The following KIF6 variants were observed in gnomAD, a reference collection of about 807,000 sequenced individuals.
KIF6 encodes kinesin-like protein KIF6.
A neutral mutation model predicts 112.7 loss-of-function variants in KIF6; 106 were observed. That is an observed-to-expected ratio of 0.94 (90% CI 0.80 to 1.11). The LOEUF is 1.11. KIF6 is among the 50% of genes least tolerant of loss of function. KIF6 has a pLI of 0.00. For synonymous variants in KIF6, 339 were observed against 339.9 expected (o/e 1.00, Z 0.03); for missense variants, 929 against 964.0 (o/e 0.96, Z 0.48).
At chr6:39,584,852 G>T in intron 9 of KIF6, 46 bp downstream of exon 9, 2 of 1,195,762 alleles carry the variant, frequency 1.7e-6, no homozygotes, top group Non-Finnish European at 1.2e-6. Flanking sequence ...GCTAATCTTT[G>T]ATATACTTTA....
chr6:39,470,554 G>C (rs746429956), intron 13 of KIF6, among the ~76,000 whole-genome samples: 13 of 152,132 alleles, frequency 8.5e-5, no homozygotes, highest in Non-Finnish European at 1.3e-4. Context: ...GGATGATTGC[G>C]GGGGAGGTCC....
intron 15 of KIF6, among the ~76,000 whole-genome samples, chr6:39,406,294 C>T (rs571009777): frequency 6.6e-6 from 1 of 152,292 alleles, no homozygotes; most frequent in South Asian, 2.1e-4. Flanking sequence ...AGGCCTGAGC[C>T]AGCTTGCTAG....
At chr6:39,384,453 C>A (rs917227293) in intron 16 of KIF6, among the ~76,000 whole-genome samples, 2 of 152,214 alleles carry the variant, frequency 1.3e-5, no homozygotes, top group Non-Finnish European at 2.9e-5. Flanking sequence ...AAGTCTCTGG[C>A]GCTGGGAGGG....
intron 5 of KIF6, among the ~76,000 whole-genome samples, chr6:39,624,031 C>T (rs777570799): frequency 2.6e-5 from 4 of 152,112 alleles, no homozygotes; most frequent in Admixed American, 1.3e-4. Flanking sequence ...GGAGCAGAGA[C>T]GGGGGTGTTA....
intron 3 of KIF6, among the ~76,000 whole-genome samples, chr6:39,710,499 A>G (rs762462887): frequency 1.3e-5 from 2 of 151,146 alleles, no homozygotes; most frequent in Non-Finnish European, 2.9e-5. Flanking sequence ...GTTTCAAAAG[A>G]TCATTATCTT....
intron 10 of KIF6, among the ~76,000 whole-genome samples, chr6:39,548,742 C>CAGA (rs1779198548): frequency 1.3e-5 from 2 of 152,206 alleles, no homozygotes; most frequent in African/African-American, 2.4e-5. Flanking sequence ...TCCCTGCTCC[C>CAGA]TCTAAGGGGT....
intron 16 of KIF6, among the ~76,000 whole-genome samples, chr6:39,379,081 C>T (rs1342736156): frequency 6.6e-6 from 1 of 152,164 alleles, no homozygotes; most frequent in African/African-American, 2.4e-5. Flanking sequence ...AGGATCCGCA[C>T]GATAAATTCT....
intron 14 of KIF6, among the ~76,000 whole-genome samples, chr6:39,423,317 GCT>G: frequency 6.6e-6 from 1 of 152,266 alleles, no homozygotes; most frequent in African/African-American, 2.4e-5. Context: ...CTGGGGAAAT[GCT>G]CTGTTATTGG....
chr6:39,511,810 GA>G (rs1340836396), intron 13 of KIF6, among the ~76,000 whole-genome samples: 4 of 152,178 alleles, frequency 2.6e-5, no homozygotes, highest in Non-Finnish European at 4.4e-5. Context: ...GATGAAGCTG[GA>G]AACTATCATT....
chr6:39,396,164 G>T (rs1404287263), intron 15 of KIF6, among the ~76,000 whole-genome samples: 1 of 152,212 alleles, frequency 6.6e-6, no homozygotes, highest in East Asian at 1.9e-4. Context: ...CTGGAGATTA[G>T]GAGGAATGTG....
intron 10 of KIF6, among the ~76,000 whole-genome samples, chr6:39,567,209 T>C (rs1780336979): frequency 6.6e-6 from 1 of 152,204 alleles, no homozygotes; most frequent in African/African-American, 2.4e-5. Context: ...GGCCTGGCAT[T>C]GTGTTCAGTA....
At chr6:39,558,376 G>T (rs1043774877) in intron 10 of KIF6, among the ~76,000 whole-genome samples, 6 of 152,098 alleles carry the variant, frequency 3.9e-5, no homozygotes, top group South Asian at 2.1e-4. Context: ...TTCCATAAGT[G>T]CACATTTTCA....
chr6:39,407,093 G>A (rs1027666110), intron 15 of KIF6, among the ~76,000 whole-genome samples: 2 of 151,512 alleles, frequency 1.3e-5, no homozygotes, highest in South Asian at 2.1e-4. Context: ...CATGTTCAGG[G>A]TCTTATTTAA....
At chr6:39,539,795 T>C (rs1161256133) in intron 13 of KIF6, among the ~76,000 whole-genome samples, 1 of 152,222 alleles carries the variant, frequency 6.6e-6, no homozygotes, top group African/African-American at 2.4e-5. Context: ...TCTATTCTAA[T>C]GCTGAATTCT....
Position 39,725,377 on chromosome 6 carries a change from C to T in KIF6, c.-67G>A. The T allele has an allele frequency of 7.6e-7, 1 of 1,321,754 alleles. No individual in the cohort carries two copies. The highest frequency in any genetic ancestry group is 1.1e-6 in the Non-Finnish European group (1 of 929,082). 81.9% of individuals were successfully genotyped at this position (1,321,754 alleles called of 1,614,324 possible). On this transcript the variant is annotated 5_prime_UTR_variant, in exon 1 of 23. Transcript: ENST00000287152. The stretch of plus-strand genomic sequence containing the variant: ...CCGGGCTGCCAAAACTAACTCCCAC[C>T]ACCTCCGGCGACCCACAGTCTTAGC...
At chr6:39,349,321 C>T (rs1764031635) in intron 19 of KIF6, among the ~76,000 whole-genome samples, 1 of 152,142 alleles carries the variant, frequency 6.6e-6, no homozygotes, top group Non-Finnish European at 1.5e-5. Context: ...TAGACCTATT[C>T]CACCATGGAC....
intron 4 of KIF6, among the ~76,000 whole-genome samples, chr6:39,638,268 G>A (rs1784728729): frequency 6.6e-6 from 1 of 152,008 alleles, no homozygotes; most frequent in Admixed American, 6.6e-5. Context: ...CAATCCATAA[G>A]ACTGAGGCAT....
At chr6:39,344,649 G>T (rs1188317306) in intron 21 of KIF6, among the ~76,000 whole-genome samples, 2 of 151,880 alleles carry the variant, frequency 1.3e-5, no homozygotes, top group African/African-American at 4.8e-5. Flanking sequence ...CACCACTCTT[G>T]TCCTCCCATC....
At chr6:39,388,102 G>T (rs1389031696) in intron 15 of KIF6, among the ~76,000 whole-genome samples, 1 of 152,070 alleles carries the variant, frequency 6.6e-6, no homozygotes, top group Non-Finnish European at 1.5e-5. Flanking sequence ...CTACCTCCCT[G>T]CTAATAAGCC....
Sources: allele counts gnomAD v4.1 joint callset (sites outside exome capture counted in the v4.1 genomes callset), GRCh38; gene constraint gnomAD v4.1.1; transcripts MANE v1.5; gene names NCBI Gene and HGNC (gene_info 2026-07-23, HGNC 2026-07-21).